The following DOCK7 variants were observed in gnomAD, a reference collection of about 807,000 sequenced individuals.
DOCK7 encodes dedicator of cytokinesis protein 7.
Under a neutral mutation model 271.0 loss-of-function variants are expected in DOCK7, and 138 were observed. The ratio of observed to expected loss-of-function variants is 0.51; its 90% CI spans 0.44 to 0.59. DOCK7 has a LOEUF of 0.59. DOCK7 is among the 20% of genes least tolerant of loss of function. DOCK7 has a pLI of 0.00. For missense variants in DOCK7, 2,066 were observed against 2,592.4 expected, an observed-to-expected ratio of 0.80 and a Z score of 4.41; for synonymous variants, 823 against 876.1, an observed-to-expected ratio of 0.94 and a Z score of 1.07.
At chr1:62,615,866 CAAATT>C in intron 14 of DOCK7, among the ~76,000 whole-genome samples, 1 of 151,822 alleles carries the variant, frequency 6.6e-6, no homozygotes, top group Non-Finnish European at 1.5e-5. Flanking sequence ...ACATCATTCT[CAAATT>C]AATATGCTAT....
At position 62,492,784 on chromosome 1, in the gene DOCK7, C is replaced by T; in HGVS notation, c.5281G>A (p.Glu1761Lys). ...AAGTATTTTCCAGAGCAGATACCTT[C>T]TTCATCTGGAGATACCACATCATCT... is the stretch of plus-strand genomic sequence containing the variant. ...VSDDVVSPDE[E>K]GICSGKYFTE... is the part of the protein sequence containing the mutation. Residue 1761 changes from glutamate (E) to lysine (K), a missense_variant, in exon 41 of 50, where the codon GAA becomes AAA. Glu to Lys is a moderately conservative substitution (Grantham distance 56). Around this residue, in one of 2 missense-constraint regions of DOCK7, gnomAD observed 652 missense variants for 922.1 expected, o/e 0.71. Transcript: ENST00000635253. 6.2e-7 allele frequency: 1 copy of T among 1,613,846 alleles called. No homozygotes were observed.
In DOCK7 at chr1:62,529,341, G is replaced by A; in HGVS notation, c.3717C>T (p.Ala1239=). 1 of 1,613,526 alleles carries A rather than the reference G, an allele frequency of 6.2e-7. No individual in the cohort carries two copies. The highest frequency in any genetic ancestry group is 8.5e-7 in the Non-Finnish European group (1 of 1,179,840). The change falls in exon 30 of 50, where the codon GCC becomes GCT. Residue 1239 remains alanine (A), a synonymous_variant. Transcript: ENST00000635253. ...YSDPQIKARV[A]MLYLPLIGII... ...TACCAATCAGAGGTAGATACAACAT[G>A]GCCACTCGAGCCTTTATCTGAGGGT...
In DOCK7 at chr1:62,586,633, G is replaced by T. The variant is rs1647568044; in HGVS notation, c.1683-9C>A. On this transcript the variant is annotated splice_polypyrimidine_tract_variant and intron_variant, in intron 14 of 49. Coordinates refer to ENST00000635253, the MANE Select transcript of DOCK7 (RefSeq NM_001367561.1). ...ATATGTAGAGAAGATTTCTGTGAAA[G>T]CAACAGTATAGATGATAGTAAATAC... The T allele has an allele frequency of 2.0e-6, 3 of 1,524,954 alleles. No individual in the cohort carries two copies. The African/African-American group carries it at 4.1e-5, about 21-fold the overall frequency. The allele number at this position is 1,524,954 out of a possible 1,614,324, so 94.5% of individuals were successfully genotyped here.
chr1:62,540,386 T>C (rs1019226397), intron 25 of DOCK7, among the ~76,000 whole-genome samples: 20 of 152,230 alleles, frequency 1.3e-4, no homozygotes, highest in African/African-American at 4.8e-4. Context: ...TTGCCCAGGC[T>C]GGTCTCAAAC....
At chr1:62,582,920 G>C (rs1647181344) in intron 16 of DOCK7, among the ~76,000 whole-genome samples, 1 of 152,190 alleles carries the variant, frequency 6.6e-6, no homozygotes, top group Non-Finnish European at 1.5e-5. Flanking sequence ...CAAAGGACCA[G>C]CGGCCACAAT....
At chr1:62,543,882 C>A in intron 23 of DOCK7, 137 bp from the exon 24 acceptor site, 2 of 530,598 alleles carry the variant, frequency 3.8e-6, no homozygotes, top group Admixed American at 3.2e-5. Context: ...TTGCTCATCT[C>A]ATTTTCACCA....
At chr1:62,501,038 A>G (rs140847064) in intron 37 of DOCK7, among the ~76,000 whole-genome samples, 12 of 146,178 alleles carry the variant, frequency 8.2e-5, no homozygotes, top group African/African-American at 3.0e-4. Flanking sequence ...CGCTGTCTCT[A>G]TTTTTAAAAG....
chr1:62,531,173 T>A (rs1418626001), intron 29 of DOCK7, among the ~76,000 whole-genome samples: 1 of 152,194 alleles, frequency 6.6e-6, no homozygotes, highest in Admixed American at 6.5e-5. Flanking sequence ...TTCTCGCCAA[T>A]TGCTTTTCAC....
At chr1:62,484,312 T>C (rs912643817) in intron 43 of DOCK7, 7 of 152,062 alleles carry the variant, frequency 4.6e-5, no homozygotes, top group Non-Finnish European at 8.8e-5. Context: ...AAATGTAAGA[T>C]ATACTTTACT....
At chr1:62,470,596 C>G (rs553166908) in intron 48 of DOCK7, among the ~76,000 whole-genome samples, 18 of 152,208 alleles carry the variant, frequency 1.2e-4, no homozygotes, top group Non-Finnish European at 2.5e-4. Flanking sequence ...GAGTTCGAGA[C>G]CAGCCTGACC....
At chr1:62,573,081 G>T (rs1265278749) in intron 18 of DOCK7, among the ~76,000 whole-genome samples, 1 of 152,174 alleles carries the variant, frequency 6.6e-6, no homozygotes, top group African/African-American at 2.4e-5. Context: ...AAAAGAAACA[G>T]AGTGTGTATC....
chr1:62,510,620 T>C lies in DOCK7; in HGVS notation c.4336A>G (p.Lys1446Glu). The change falls in exon 34 of 50, where the codon AAA becomes GAA. Residue 1446 changes from lysine (K) to glutamate (E), a missense_variant. By Grantham distance (56) the Lys-to-Glu change is moderately conservative. Coordinates refer to ENST00000635253, the MANE Select transcript of DOCK7 (RefSeq NM_001367561.1). ...FGSQENLRWR[K>E]DMTHWRQNTE... ...TTTTGACGCCAGTGAGTCATATCTT[T>C]CCTCCACCTCAAATTTTCTTGACTT... is the stretch of plus-strand genomic sequence containing the variant. 1 of 1,613,500 alleles carries C rather than the reference T, an allele frequency of 6.2e-7. No homozygotes were observed. The highest frequency in any genetic ancestry group is 8.5e-7 in the Non-Finnish European group (1 of 1,179,642).
chr1:62,550,790 G>A (rs528329457), intron 22 of DOCK7, among the ~76,000 whole-genome samples: 6 of 148,008 alleles, frequency 4.1e-5, no homozygotes, highest in African/African-American at 1.5e-4. Flanking sequence ...GTGAGATCTC[G>A]GCTCCCTGCA....
At chr1:62,527,300 A>C (rs1452323320) in intron 31 of DOCK7, among the ~76,000 whole-genome samples, 1 of 152,186 alleles carries the variant, frequency 6.6e-6, no homozygotes, top group Non-Finnish European at 1.5e-5. Context: ...AAAAACCCTC[A>C]AATGACTGAG....
intron 2 of DOCK7, among the ~76,000 whole-genome samples, chr1:62,659,759 T>C (rs769233888): frequency 3.3e-5 from 5 of 152,014 alleles, no homozygotes; most frequent in Non-Finnish European, 7.4e-5. Context: ...GTGGCTAAGT[T>C]AATAAGGGAA....
At chr1:62,604,161 A>T in intron 14 of DOCK7, 2 of 1,613,466 alleles carry the variant, frequency 1.2e-6, no homozygotes, top group South Asian at 1.1e-5. Flanking sequence ...GCAATCCCGG[A>T]AAACAAAGAT....
Position 62,578,815 on chromosome 1 carries a change from C to A in DOCK7, c.2010+13G>T. 1 of 1,564,444 alleles carries A rather than the reference C, an allele frequency of 6.4e-7. No homozygotes were observed. The highest frequency in any genetic ancestry group is 8.6e-7 in the Non-Finnish European group (1 of 1,160,186). ...TAGCTCTTTGATCTAAATATTGAAC[C>A]AAAAGGACTCACTGTATATCCAACT... On this transcript the variant is annotated intron_variant, in intron 17 of 49. Coordinates refer to ENST00000635253, the MANE Select transcript of DOCK7 (RefSeq NM_001367561.1).
At position 62,494,340 on chromosome 1, in the gene DOCK7, C is replaced by G. The variant is rs1447045021; in HGVS notation, c.5152G>C (p.Val1718Leu). The G allele has an allele frequency of 6.2e-7, 1 of 1,610,232 alleles. No individual in the cohort carries two copies. ...AQCLVHSAALVAEYLSMLEDR... is the reference protein window; with the variant it reads ...AQCLVHSAALLAEYLSMLEDR... ...TCCAGCATGCTCAAATATTCAGCAA[C>G]AAGTGCTGCTGAGTGGACTAGACAC... is the stretch of plus-strand genomic sequence containing the variant. The change falls in exon 40 of 50, where the codon GTT (valine) becomes CTT (leucine). Residue 1718 changes from valine (V) to leucine (L), a missense_variant. Physicochemically the swap from Val to Leu is conservative, Grantham distance 32. Coordinates refer to ENST00000635253, the MANE Select transcript of DOCK7 (RefSeq NM_001367561.1).
At chr1:62,611,377 T>A (rs1651765001) in intron 14 of DOCK7, among the ~76,000 whole-genome samples, 1 of 152,218 alleles carries the variant, frequency 6.6e-6, no homozygotes, top group South Asian at 2.1e-4. Context: ...GATTTTGGAA[T>A]ATCTTTATAC....
Sources: allele counts gnomAD v4.1 joint callset (sites outside exome capture counted in the v4.1 genomes callset), GRCh38; gene constraint gnomAD v4.1.1; regional missense constraint gnomAD v4.1.1; transcripts MANE v1.5; gene names NCBI Gene and HGNC (gene_info 2026-07-23, HGNC 2026-07-21).